GRID2: variants seen among roughly 807,000 people sequenced by gnomAD.
The protein encoded by GRID2 is glutamate ionotropic receptor delta type subunit 2, also known as glutamate receptor ionotropic, delta-2.
In GRID2, 33 loss-of-function variants were observed where a neutral mutation model predicts 114.8. The observed-to-expected ratio is 0.29, with a 90% confidence interval of 0.22 to 0.38. The LOEUF is 0.38. GRID2 is among the 10% of genes least tolerant of loss of function. The pLI is 1.00. For synonymous variants in GRID2, 505 were observed against 449.9 expected (o/e 1.12, Z -1.55); for missense variants, 1,184 against 1,257.7 (o/e 0.94, Z 0.89).
In GRID2 at chr4:93,221,449, ATTG is replaced by A. The variant is rs199828495; in HGVS notation, c.964-3164_964-3162del. On this transcript the variant is annotated intron_variant, in intron 6 of 15. Coordinates refer to ENST00000282020, the MANE Select transcript of GRID2 (RefSeq NM_001510.4). ...AGTGCCAGTAAGGTAGGGAGAAATG[ATTG>A]GTCATATGTGACATACTGGAGTCTA... is the stretch of plus-strand genomic sequence containing the variant. Among the ~76,000 whole-genome samples the A allele has an allele frequency of 3.9e-5, 6 of 152,280 alleles. No individual in the cohort carries two copies. The East Asian group carries it at 1.2e-3, about 29-fold the overall frequency.
At chr4:93,131,697 T>C (rs969330055) in intron 4 of GRID2, among the ~76,000 whole-genome samples, 5 of 152,114 alleles carry the variant, frequency 3.3e-5, no homozygotes, top group Non-Finnish European at 7.4e-5. Flanking sequence ...GTTATAAGGA[T>C]ACAATCTGTA....
intron 2 of GRID2, among the ~76,000 whole-genome samples, chr4:92,949,551 A>C (rs1052556214): frequency 8.6e-5 from 13 of 151,740 alleles, no homozygotes; most frequent in African/African-American, 3.1e-4. Flanking sequence ...AGGGAGCTAA[A>C]TGTGCCTCCA....
intron 2 of GRID2, among the ~76,000 whole-genome samples, chr4:92,645,815 A>G (rs571417870): frequency 6.5e-4 from 98 of 151,826 alleles, no homozygotes; most frequent in Non-Finnish European, 1.1e-3. Context: ...TCATCAAATT[A>G]TTTCCCCGTA....
intron 5 of GRID2, among the ~76,000 whole-genome samples, chr4:93,211,345 T>C (rs368960283): frequency 8.0e-4 from 121 of 152,186 alleles, no homozygotes; most frequent in Non-Finnish European, 1.2e-3. Context: ...AAATTTATGT[T>C]TTATTGTATT....
At chr4:92,605,039 C>A (rs1729386650) in intron 2 of GRID2, among the ~76,000 whole-genome samples, 1 of 151,986 alleles carries the variant, frequency 6.6e-6, no homozygotes, top group African/African-American at 2.4e-5. Context: ...TTCCTGATAC[C>A]TTGTGAAGAA....
At chr4:92,460,929 T>A (rs2149087661) in intron 1 of GRID2, among the ~76,000 whole-genome samples, 1 of 151,982 alleles carries the variant, frequency 6.6e-6, no homozygotes, top group Admixed American at 6.6e-5. Flanking sequence ...TAGAAAAAAA[T>A]TACATAAAAG....
At chr4:93,104,985 T>TTAATGATTG (rs1732066088) in intron 3 of GRID2, among the ~76,000 whole-genome samples, 1 of 151,840 alleles carries the variant, frequency 6.6e-6, no homozygotes, top group Non-Finnish European at 1.5e-5. Flanking sequence ...TCCTGACTTT[T>TTAATGATTG]TAATGATTGC....
chr4:92,396,248 T>C (rs1579293320), intron 1 of GRID2, among the ~76,000 whole-genome samples: 1 of 152,022 alleles, frequency 6.6e-6, no homozygotes, highest in South Asian at 2.1e-4. Flanking sequence ...TTTATTTCAT[T>C]ACTAAAAACA....
intron 2 of GRID2, among the ~76,000 whole-genome samples, chr4:92,954,350 C>T (rs1421294086): frequency 6.6e-6 from 1 of 152,074 alleles, no homozygotes; most frequent in Admixed American, 6.5e-5. Flanking sequence ...ACTGTCATGA[C>T]CTTAGAAATG....
In GRID2 at chr4:92,625,313, TA is replaced by T. The variant is rs1385408453; in HGVS notation, c.244+35028del. Among the ~76,000 whole-genome samples, 7 of 151,948 alleles carry T rather than the reference TA, an allele frequency of 4.6e-5. No individual in the cohort carries two copies. In the East Asian group the frequency reaches 5.8e-4, roughly 13 times the overall value. The stretch of plus-strand genomic sequence containing the variant: ...ATAGGATTGTGCTATCACAAAATCT[TA>T]GAGCTAGAAGATCCTCAGAGATTAA... On this transcript the variant is annotated intron_variant, in intron 2 of 15. Transcript: ENST00000282020.
intron 8 of GRID2, among the ~76,000 whole-genome samples, chr4:93,388,178 C>T (rs1380091246): frequency 5.3e-5 from 8 of 152,064 alleles, no homozygotes; most frequent in African/African-American, 9.7e-5. Flanking sequence ...CCCCAAACTA[C>T]AGGTGTTTAT....
intron 13 of GRID2, among the ~76,000 whole-genome samples, chr4:93,545,954 TA>T (rs1459964191): frequency 1.3e-5 from 2 of 152,036 alleles, no homozygotes; most frequent in Middle Eastern, 3.4e-3. Context: ...ATAGTGTTTT[TA>T]AAAAGGCAAG....
chr4:92,346,256 G>A (rs1727755517), intron 1 of GRID2, among the ~76,000 whole-genome samples: 1 of 152,032 alleles, frequency 6.6e-6, no homozygotes, highest in African/African-American at 2.4e-5. Context: ...TCTTGTGTAG[G>A]GACACAAGTC....
chr4:92,576,557 C>G (rs1727905934), intron 1 of GRID2, among the ~76,000 whole-genome samples: 2 of 152,190 alleles, frequency 1.3e-5, no homozygotes, highest in Non-Finnish European at 2.9e-5. Flanking sequence ...CTTGCTTGAG[C>G]TGCAGACAAC....
intron 8 of GRID2, among the ~76,000 whole-genome samples, chr4:93,298,857 A>G (rs1335793084): frequency 3.3e-5 from 5 of 152,228 alleles, no homozygotes; most frequent in Admixed American, 6.5e-5. Context: ...TTGAAGATAC[A>G]TGGCATCTGC....
chr4:92,814,978 A>C (rs955114981), intron 2 of GRID2, among the ~76,000 whole-genome samples: 9 of 152,132 alleles, frequency 5.9e-5, no homozygotes, highest in Non-Finnish European at 1.3e-4. Flanking sequence ...ATATTTATCA[A>C]ACCCATCTCC....
intron 14 of GRID2, among the ~76,000 whole-genome samples, chr4:93,654,113 C>A (rs149989979): frequency 2.6e-5 from 4 of 152,114 alleles, no homozygotes; most frequent in East Asian, 1.9e-4. Flanking sequence ...TAGTGGCCAG[C>A]CTTTTCATAT....
At chr4:92,399,597 A>G (rs187264291) in intron 1 of GRID2, among the ~76,000 whole-genome samples, 58 of 152,064 alleles carry the variant, frequency 3.8e-4, no homozygotes, top group Admixed American at 1.9e-3. Flanking sequence ...CTCCAATTAC[A>G]TATTTCACAA....
chr4:92,547,245 C>A (rs1456700401), intron 1 of GRID2, among the ~76,000 whole-genome samples: 1 of 152,048 alleles, frequency 6.6e-6, no homozygotes, highest in Admixed American at 6.6e-5. Flanking sequence ...AATATGTATA[C>A]ACATGTATAA....
Sources: allele counts gnomAD v4.1 joint callset (sites outside exome capture counted in the v4.1 genomes callset), GRCh38; gene constraint gnomAD v4.1.1; transcripts MANE v1.5; gene names NCBI Gene and HGNC (gene_info 2026-07-23, HGNC 2026-07-21).